The following PTPRO variants were observed in gnomAD, a reference collection of about 807,000 sequenced individuals.
PTPRO encodes the protein protein tyrosine phosphatase receptor type O.
PTPRO carries 62 observed loss-of-function variants against 145.2 expected under a neutral mutation model. The observed-to-expected ratio is 0.43, with a 90% CI of 0.35 to 0.53. The LOEUF (loss-of-function observed/expected upper bound fraction) is 0.53, where lower values mean the gene tolerates loss of function less well. Among genes scored for constraint, PTPRO ranks in the 20% least tolerant of loss-of-function variants. The pLI is 0.01. For synonymous variants in PTPRO, 565 were observed against 514.7 expected (o/e 1.10, Z -1.32); for missense variants, 1,345 against 1,482.7 (o/e 0.91, Z 1.53).
chr12:15,409,924 G>A (rs969335685), intron 1 of PTPRO, among the ~76,000 whole-genome samples: 4 of 152,172 alleles, frequency 2.6e-5, no homozygotes, highest in Non-Finnish European at 5.9e-5. Context: ...GGGGATATAT[G>A]ATTTGGATGG....
chr12:15,354,425 A>G (rs945241924), intron 1 of PTPRO, among the ~76,000 whole-genome samples: 5 of 152,206 alleles, frequency 3.3e-5, no homozygotes, highest in African/African-American at 1.2e-4. Context: ...GCTTCAAACT[A>G]GATTGTATTT....
chr12:15,455,329 C>T (rs746041311), intron 1 of PTPRO, among the ~76,000 whole-genome samples: 7 of 151,116 alleles, frequency 4.6e-5, no homozygotes, highest in Non-Finnish European at 8.8e-5. Context: ...ACACACAATA[C>T]CTGAAATCTC....
intron 24 of PTPRO, 52 bp from the exon 25 acceptor site, chr12:15,589,402 GA>G (rs1944498619): frequency 1.2e-6 from 2 of 1,603,268 alleles, no homozygotes; most frequent in South Asian, 1.1e-5. Context: ...AGAGGGGGGA[GA>G]AAAAAAAGAA....
intron 1 of PTPRO, among the ~76,000 whole-genome samples, chr12:15,435,107 C>G (rs1385619997): frequency 1.3e-5 from 2 of 152,166 alleles, no homozygotes; most frequent in African/African-American, 2.4e-5. Context: ...TATTCAGTCA[C>G]TATCATGTAT....
chr12:15,519,141 A>G (rs1228624811), intron 9 of PTPRO, among the ~76,000 whole-genome samples: 1 of 152,224 alleles, frequency 6.6e-6, no homozygotes, highest in Non-Finnish European at 1.5e-5. Flanking sequence ...GGCGGGAGGC[A>G]AAGAGGAGCA....
intron 1 of PTPRO, among the ~76,000 whole-genome samples, chr12:15,461,130 T>C (rs1236580779): frequency 1.3e-5 from 2 of 152,194 alleles, no homozygotes; most frequent in Non-Finnish European, 2.9e-5. Flanking sequence ...TGAAGCCTAC[T>C]AACTGAAGGT....
intron 1 of PTPRO, among the ~76,000 whole-genome samples, chr12:15,437,253 A>T (rs1940622912): frequency 6.6e-6 from 1 of 151,782 alleles, no homozygotes; most frequent in Non-Finnish European, 1.5e-5. Flanking sequence ...CTACATGCCC[A>T]GGAAGATCTC....
intron 23 of PTPRO, 143 bp downstream of exon 23, chr12:15,581,944 G>A: frequency 3.6e-6 from 4 of 1,113,986 alleles, no homozygotes; most frequent in Non-Finnish European, 5.2e-6. Context: ...GGGAAATCAG[G>A]GGTCTCACAG....
At chr12:15,516,379 G>A (rs1415167326) in intron 8 of PTPRO, among the ~76,000 whole-genome samples, 15 of 142,400 alleles carry the variant, frequency 1.1e-4, no homozygotes, top group South Asian at 4.5e-4. Flanking sequence ...AAGAAAGAAC[G>A]AACGAAAGAG....
intron 1 of PTPRO, among the ~76,000 whole-genome samples, chr12:15,398,371 T>C (rs1939400294): frequency 6.6e-6 from 1 of 152,180 alleles, no homozygotes; most frequent in Non-Finnish European, 1.5e-5. Flanking sequence ...TGTGCATTTT[T>C]ACTTTCTCTC....
rs570756939 is a variant in PTPRO, at chr12:15,331,462, G to A, written c.75+8661G>A. The stretch of plus-strand genomic sequence containing the variant: ...GCTATTTACTGGCAGTAGGATGCTG[G>A]GAAAGTTATTTCACCTCTCTGGATT... On this transcript the variant is annotated intron_variant, in intron 1 of 26. Coordinates refer to ENST00000281171, the MANE Select transcript of PTPRO (RefSeq NM_030667.3). Among the ~76,000 whole-genome samples the A allele has an allele frequency of 5.9e-5, 9 of 152,182 alleles. No homozygotes were observed. In the South Asian group the frequency reaches 1.9e-3, roughly 32 times the overall value.
intron 1 of PTPRO, among the ~76,000 whole-genome samples, chr12:15,480,451 G>T: frequency 6.6e-6 from 1 of 152,134 alleles, no homozygotes; most frequent in East Asian, 1.9e-4. Flanking sequence ...TTTCTCGTGG[G>T]TGGCAGCTTG....
intron 19 of PTPRO, among the ~76,000 whole-genome samples, chr12:15,570,587 C>T (rs1944022986): frequency 6.6e-6 from 1 of 152,072 alleles, no homozygotes; most frequent in Admixed American, 6.6e-5. Flanking sequence ...TCCATTGTAT[C>T]CAGGTGCATA....
intron 1 of PTPRO, among the ~76,000 whole-genome samples, chr12:15,379,921 CT>C (rs557609816): frequency 7.2e-4 from 110 of 152,126 alleles, no homozygotes; most frequent in African/African-American, 2.3e-3. Context: ...TAATTGTGCA[CT>C]TAAAATGAAT....
At chr12:15,425,173 T>C (rs1940251065) in intron 1 of PTPRO, among the ~76,000 whole-genome samples, 1 of 152,180 alleles carries the variant, frequency 6.6e-6, no homozygotes. Context: ...CACGGTACTT[T>C]GCTAGTTTTG....
intron 16 of PTPRO, 137 bp downstream of exon 16, chr12:15,557,660 C>A: frequency 1.3e-6 from 1 of 758,100 alleles, no homozygotes. Context: ...CTTTCAATGG[C>A]TAGATCTTCA....
At chr12:15,397,593 C>G (rs2136294764) in intron 1 of PTPRO, among the ~76,000 whole-genome samples, 1 of 152,302 alleles carries the variant, frequency 6.6e-6, no homozygotes, top group Non-Finnish European at 1.5e-5. Context: ...ATCCACAACC[C>G]TCAGTGCTGG....
At chr12:15,525,327 CT>C (rs1942815337) in intron 11 of PTPRO, among the ~76,000 whole-genome samples, 1 of 152,164 alleles carries the variant, frequency 6.6e-6, no homozygotes, top group Non-Finnish European at 1.5e-5. Context: ...CTACTGATTT[CT>C]TTTCTCCAAA....
At chr12:15,489,554 C>T (rs1029235160) in intron 2 of PTPRO, among the ~76,000 whole-genome samples, 5 of 152,174 alleles carry the variant, frequency 3.3e-5, no homozygotes, top group Non-Finnish European at 4.4e-5. Flanking sequence ...TGTCATGGCA[C>T]TGGTGGGTGT....
Sources: allele counts gnomAD v4.1 joint callset (sites outside exome capture counted in the v4.1 genomes callset), GRCh38; gene constraint gnomAD v4.1.1; transcripts MANE v1.5; gene names NCBI Gene and HGNC (gene_info 2026-07-23, HGNC 2026-07-21).